Variants in SUSD5 observed in about 807,000 individuals in gnomAD.
SUSD5 encodes sushi domain containing 5, also known as sushi domain-containing protein 5.
SUSD5 carries 33 observed loss-of-function variants against 29.5 expected under a neutral mutation model. The observed-to-expected ratio is 1.12, with a 90% CI of 0.85 to 1.49. The LOEUF (loss-of-function observed/expected upper bound fraction) is 1.49, where lower values mean the gene tolerates loss of function less well. SUSD5 is among the 40% of genes most tolerant of loss of function. The pLI, the probability that SUSD5 is intolerant of heterozygous loss-of-function variation, is 0.00. For synonymous variants in SUSD5, 308 were observed against 325.3 expected, an observed-to-expected ratio of 0.95 and a Z score of 0.57; for missense variants, 776 against 800.6, an observed-to-expected ratio of 0.97 and a Z score of 0.37.
At chr3:33,218,197 G>A (rs1354381271) in intron 1 of SUSD5, among the ~76,000 whole-genome samples, 7 of 152,092 alleles carry the variant, frequency 4.6e-5, no homozygotes, top group African/African-American at 1.7e-4. Flanking sequence ...CCTCTGGCCA[G>A]GCCATTCTCT....
intron 3 of SUSD5, among the ~76,000 whole-genome samples, chr3:33,177,949 G>A (rs537102912): frequency 5.3e-4 from 81 of 151,906 alleles, no homozygotes; most frequent in African/African-American, 1.5e-3. Context: ...TTGTTCCTTC[G>A]CAATCTATAT....
At chr3:33,210,105 C>T (rs2032295092) in intron 2 of SUSD5, among the ~76,000 whole-genome samples, 1 of 152,122 alleles carries the variant, frequency 6.6e-6, no homozygotes, top group Admixed American at 6.5e-5. Context: ...GTGACAAATC[C>T]TACATTGGCT....
intron 4 of SUSD5, among the ~76,000 whole-genome samples, chr3:33,165,196 T>A (rs901617379): frequency 2.6e-5 from 4 of 152,104 alleles, no homozygotes; most frequent in African/African-American, 9.7e-5. Flanking sequence ...AGAAAAAGAG[T>A]GAACAGCTCA....
In SUSD5 at chr3:33,153,839, CTT is replaced by C. The variant is rs2030981686; in HGVS notation, c.791_792del (p.Lys264SerfsTer35). ...SVGRENIARDKVFVPTTGLPG... is the reference protein window; with the variant it reads ...SVGRENIARDXVFVPTTGLPG... ...GGCAAGCCTGTGGTTGGCACAAAGA[CTT>C]TATCCCGGGCTATGTTTTCTCTCCC... is the stretch of plus-strand genomic sequence containing the variant. On this transcript the variant is annotated frameshift_variant, in exon 5 of 5. Transcript: ENST00000309558. LOFTEE classifies it low-confidence loss of function (END_TRUNC). 6.2e-7 allele frequency: 1 copy of C among 1,614,004 alleles called. No homozygotes were observed. The highest frequency in any genetic ancestry group is 8.5e-7 in the Non-Finnish European group (1 of 1,179,880).
intron 1 of SUSD5, among the ~76,000 whole-genome samples, chr3:33,215,127 C>T (rs1391594651): frequency 6.6e-6 from 1 of 151,854 alleles, no homozygotes; most frequent in Non-Finnish European, 1.5e-5. Flanking sequence ...TAAACACTTC[C>T]ATAGGTGACT....
chr3:33,200,690 C>A (rs2032100552), intron 3 of SUSD5, among the ~76,000 whole-genome samples: 1 of 152,160 alleles, frequency 6.6e-6, no homozygotes, highest in African/African-American at 2.4e-5. Context: ...CAACTCTGGA[C>A]AGAATGTTGG....
intron 4 of SUSD5, among the ~76,000 whole-genome samples, chr3:33,170,797 G>A (rs893644552): frequency 6.6e-6 from 1 of 152,226 alleles, no homozygotes; most frequent in Non-Finnish European, 1.5e-5. Context: ...ACAGGCTGTC[G>A]TTAGTTATTC....
intron 4 of SUSD5, among the ~76,000 whole-genome samples, chr3:33,166,102 G>A (rs2031300226): frequency 6.6e-6 from 1 of 151,998 alleles, no homozygotes. Context: ...AGCTGCTGCT[G>A]GTATTCCAAT....
At chr3:33,193,121 A>G (rs4605496) in intron 3 of SUSD5, among the ~76,000 whole-genome samples, 110,124 of 151,798 alleles carry the variant, frequency 0.73, 40,123 homozygotes, top group East Asian at 0.83. Context: ...CGATGAAGCT[A>G]TAGGGAGGCA....
In SUSD5 at chr3:33,152,639, A is replaced by G; in HGVS notation, c.*103T>C. The G allele has an allele frequency of 7.8e-7, 1 of 1,276,370 alleles. No homozygotes were observed. Among genetic ancestry groups the G allele is most frequent in the Non-Finnish European group, 1.1e-6 (1 of 937,470 alleles). The allele number at this position is 1,276,370 out of a possible 1,614,324, so 79.1% of individuals were successfully genotyped here. A position where few individuals can be genotyped will look rare whatever the true frequency, so the allele number is the denominator to read the frequency against. ...AAAACAAAGGGCTGAGGAAAAAATG[A>G]TGAGCCTCAGTCCACCTGCGTCATG... On this transcript the variant is annotated 3_prime_UTR_variant, in exon 5 of 5. Transcript: ENST00000309558.
chr3:33,154,376 A>G (rs2125612895), intron 4 of SUSD5, among the ~76,000 whole-genome samples: 1 of 152,284 alleles, frequency 6.6e-6, no homozygotes, highest in South Asian at 2.1e-4. Context: ...ACAAAAAAAT[A>G]GCCAGGCATG....
At position 33,181,356 on chromosome 3, in the gene SUSD5, T is replaced by TC. The variant is rs1295353527; in HGVS notation, c.410-6283_410-6282insG. Among the ~76,000 whole-genome samples, 30 of 135,728 alleles carry TC rather than the reference T, an allele frequency of 2.2e-4. No homozygotes were observed. In the South Asian group the frequency reaches 7.4e-3, roughly 33 times the overall value. The allele number at this position is 135,728 out of a possible 152,430, so 89.0% of individuals were successfully genotyped here. On this transcript the variant is annotated intron_variant, in intron 3 of 4. Coordinates refer to ENST00000309558, the MANE Select transcript of SUSD5 (RefSeq NM_015551.2). ...CTATACAGATGTATCATTTTCATCT[T>TC]TTTTTTTTTTTTTTTGCATTTGTTT... is the stretch of plus-strand genomic sequence containing the variant.
chr3:33,191,564 C>T (rs1188152386), intron 3 of SUSD5, among the ~76,000 whole-genome samples: 3 of 152,102 alleles, frequency 2.0e-5, no homozygotes, highest in African/African-American at 7.2e-5. Flanking sequence ...ATAAAATACT[C>T]AAAGTGGAAC....
chr3:33,167,713 C>A lies in SUSD5; in HGVS notation c.598+7173G>T, dbSNP rs1559446527. On this transcript the variant is annotated intron_variant, in intron 4 of 4. Transcript: ENST00000309558. The surrounding 1 kb of genome is among the most constrained non-coding windows in gnomAD (Gnocchi z 4.1). ...AGAAGTATCCAAAGCTTATTTTTCT[C>A]CCCATGGGGAACAGTAACATTTGTT... is the stretch of plus-strand genomic sequence containing the variant. Among the ~76,000 whole-genome samples the A allele has an allele frequency of 1.3e-5, 2 of 152,184 alleles. No homozygotes were observed. Among genetic ancestry groups the A allele is most frequent in the Non-Finnish European group, 2.9e-5 (2 of 68,036 alleles).
At chr3:33,175,771 G>A (rs887203429) in intron 3 of SUSD5, among the ~76,000 whole-genome samples, 1 of 152,006 alleles carries the variant, frequency 6.6e-6, no homozygotes, top group Non-Finnish European at 1.5e-5. Context: ...CACGCACACA[G>A]CTTCTCCCAC....
intron 4 of SUSD5, among the ~76,000 whole-genome samples, chr3:33,161,377 G>T (rs1432070507): frequency 6.6e-6 from 1 of 152,072 alleles, no homozygotes; most frequent in Non-Finnish European, 1.5e-5. Context: ...GAGAGTAAAA[G>T]ACTATTAGAA....
chr3:33,162,567 C>CAA (rs1176560505), intron 4 of SUSD5, among the ~76,000 whole-genome samples: 4 of 152,010 alleles, frequency 2.6e-5, no homozygotes, highest in African/African-American at 9.7e-5. Context: ...AGAGAAGATG[C>CAA]AAATGAAAAA....
chr3:33,183,953 T>TTTG (rs2031728008), intron 3 of SUSD5, among the ~76,000 whole-genome samples: 1 of 110,176 alleles, frequency 9.1e-6, no homozygotes, highest in Non-Finnish European at 1.8e-5. Context: ...TTTTTTTTTT[T>TTTG]TTGAGATGGA....
At chr3:33,173,291 A>G (rs1394696452) in intron 4 of SUSD5, among the ~76,000 whole-genome samples, 1 of 152,226 alleles carries the variant, frequency 6.6e-6, no homozygotes, top group Non-Finnish European at 1.5e-5. Context: ...AGACTGGGCA[A>G]ATACTTTAGA....
Sources: allele counts gnomAD v4.1 joint callset (sites outside exome capture counted in the v4.1 genomes callset), GRCh38; gene constraint gnomAD v4.1.1; non-coding constraint Gnocchi (gnomAD v3.1); transcripts MANE v1.5; gene names NCBI Gene and HGNC (gene_info 2026-07-23, HGNC 2026-07-21).